CCDC125: variants seen among roughly 807,000 people sequenced by gnomAD.
CCDC125 encodes the protein coiled-coil domain-containing protein 125.
A neutral mutation model predicts 57.4 loss-of-function variants in CCDC125; 43 were observed. That is an observed-to-expected ratio of 0.75 (90% CI 0.59 to 0.97). The LOEUF (loss-of-function observed/expected upper bound fraction) is 0.97. Among genes scored for constraint, CCDC125 ranks in the 50% least tolerant of loss-of-function variants. The pLI, the probability that CCDC125 is intolerant of heterozygous loss-of-function variation, is 0.00. For synonymous variants in CCDC125, 187 were observed against 195.2 expected, an observed-to-expected ratio of 0.96 and a Z score of 0.35; for missense variants, 563 against 595.7, an observed-to-expected ratio of 0.95 and a Z score of 0.57.
At chr5:69,308,418 T>G (rs1757666844) in intron 4 of CCDC125, 1 of 242,278 alleles carries the variant, frequency 4.1e-6, no homozygotes, top group African/African-American at 2.2e-5. Context: ...TGGGGGTGGT[T>G]TTCCCCATAC....
At chr5:69,286,944 A>G (rs1043162967) in intron 10 of CCDC125, among the ~76,000 whole-genome samples, 1 of 147,074 alleles carries the variant, frequency 6.8e-6, no homozygotes, top group East Asian at 2.2e-4. Context: ...GCTTGGTGTG[A>G]TGGCTCAAGC....
At chr5:69,279,756 G>A (rs1752378066), downstream of CCDC125, among the ~76,000 whole-genome samples, 1 of 152,154 alleles carries the variant, frequency 6.6e-6, no homozygotes, top group South Asian at 2.1e-4. Context: ...TAGCGCCAAA[G>A]GGATCTGAGG....
At chr5:69,285,117 AAAAAAC>A (rs1200245052) in intron 11 of CCDC125, among the ~76,000 whole-genome samples, 1 of 133,934 alleles carries the variant, frequency 7.5e-6, no homozygotes, top group African/African-American at 2.6e-5. Context: ...CAAAAAAACC[AAAAAAC>A]AAACAAAACA....
chr5:69,315,424 C>T (rs186010892), intron 2 of CCDC125, among the ~76,000 whole-genome samples: 7 of 115,446 alleles, frequency 6.1e-5, no homozygotes, highest in Non-Finnish European at 1.0e-4. Flanking sequence ...GGTAACAGAG[C>T]GAGATTCTGT....
downstream of CCDC125, chr5:69,276,986 GA>G: frequency 5.9e-6 from 5 of 846,242 alleles, no homozygotes; most frequent in Admixed American, 2.7e-5. Flanking sequence ...AGTGCTACTG[GA>G]AAAAATGTGT....
At chr5:69,319,885 C>T (rs1410993018) in intron 2 of CCDC125, among the ~76,000 whole-genome samples, 3 of 152,048 alleles carry the variant, frequency 2.0e-5, no homozygotes, top group East Asian at 3.9e-4. Flanking sequence ...CTTTGGGAGG[C>T]CGAGGCAGGC....
downstream of CCDC125, among the ~76,000 whole-genome samples, chr5:69,278,797 C>T (rs1752326651): frequency 6.9e-6 from 1 of 144,612 alleles, no homozygotes; most frequent in Admixed American, 7.4e-5. Flanking sequence ...AACTCCTGGG[C>T]TCAAGCCATC....
intron 8 of CCDC125, among the ~76,000 whole-genome samples, chr5:69,297,503 G>A (rs1755563686): frequency 6.6e-6 from 1 of 151,710 alleles, no homozygotes; most frequent in South Asian, 2.1e-4. Flanking sequence ...GGGATTACAG[G>A]CATACACCAC....
intron 4 of CCDC125, chr5:69,309,936 G>A (rs1020027539): frequency 2.0e-5 from 3 of 152,212 alleles, no homozygotes; most frequent in African/African-American, 7.2e-5. Context: ...AAATTTGACT[G>A]CCCTGCTGGA....
intron 3 of CCDC125, 88 bp downstream of exon 3, chr5:69,313,897 G>T: frequency 1.0e-6 from 1 of 971,806 alleles, no homozygotes; most frequent in Non-Finnish European, 1.7e-6. Flanking sequence ...AAAGGAGAGG[G>T]CATGGAGAGC....
chr5:69,275,094 G>A, the CCDC125 span, among the ~76,000 whole-genome samples: 4 of 150,924 alleles, frequency 2.7e-5, no homozygotes, highest in Non-Finnish European at 5.9e-5. Context: ...AGCATGACCT[G>A]ACAAACTTGT....
chr5:69,286,470 G>T (rs6867658), intron 10 of CCDC125, among the ~76,000 whole-genome samples: 104,117 of 150,654 alleles, frequency 0.69, 36,721 homozygotes, highest in Non-Finnish European at 0.77. Flanking sequence ...CTGACCTCAT[G>T]ATTCGCCCCC....
chr5:69,304,588 G>A (rs1037221465), intron 6 of CCDC125, among the ~76,000 whole-genome samples: 4 of 151,548 alleles, frequency 2.6e-5, no homozygotes, highest in African/African-American at 7.3e-5. Context: ...ACCACGCCCG[G>A]CCAATTTTTG....
chr5:69,290,246 C>G (rs1441119236), intron 10 of CCDC125, among the ~76,000 whole-genome samples: 2 of 151,762 alleles, frequency 1.3e-5, no homozygotes, highest in Admixed American at 1.3e-4. Flanking sequence ...ATAAATATTT[C>G]AAACAAAATG....
downstream of CCDC125, among the ~76,000 whole-genome samples, chr5:69,279,157 AGGCCCCTG>A (rs1752342589): frequency 6.7e-6 from 1 of 148,296 alleles, no homozygotes; most frequent in Admixed American, 6.8e-5. Flanking sequence ...TTTTATTTGG[AGGCCCCTG>A]GAAAGAATCT....
intron 7 of CCDC125, among the ~76,000 whole-genome samples, chr5:69,302,651 G>A (rs899676777): frequency 4.0e-5 from 6 of 151,718 alleles, no homozygotes; most frequent in African/African-American, 1.5e-4. Context: ...CTTAAACCCA[G>A]GAGGCGGAGG....
chr5:69,327,068 G>A (rs1760819650), intron 1 of CCDC125, among the ~76,000 whole-genome samples: 1 of 150,432 alleles, frequency 6.6e-6, no homozygotes, highest in South Asian at 2.1e-4. Flanking sequence ...TGTAACTTCA[G>A]GGACTGCTGA....
chr5:69,298,046 C>T (rs1440007158), intron 8 of CCDC125, among the ~76,000 whole-genome samples: 3 of 150,524 alleles, frequency 2.0e-5, no homozygotes, highest in Admixed American at 1.3e-4. Context: ...AGATGGAGTC[C>T]CGCTCTGTCA....
At chr5:69,325,701 G>A (rs1223998695) in intron 1 of CCDC125, among the ~76,000 whole-genome samples, 3 of 151,768 alleles carry the variant, frequency 2.0e-5, no homozygotes, top group Admixed American at 1.3e-4. Flanking sequence ...GCAGGTGCCT[G>A]TAATCCTAGC....
Sources: gnomAD v4.1 joint callset for allele counts (sites outside exome capture counted in the v4.1 genomes callset) on GRCh38, gnomAD v4.1.1 for gene constraint, MANE v1.5 for transcripts, NCBI Gene and HGNC (gene_info 2026-07-23, HGNC 2026-07-21) for gene names.